The following EDA variants were observed in gnomAD, a reference collection of about 807,000 sequenced individuals.
The protein encoded by EDA is ectodysplasin A.
Under a neutral mutation model 23.6 loss-of-function variants are expected in EDA, and 2 were observed. The ratio of observed to expected loss-of-function variants is 0.08; its 90% CI spans 0.03 to 0.27. The LOEUF is 0.27. Ranked by LOEUF, EDA falls within the 10% of genes least tolerant of loss-of-function variation. The pLI is 1.00. For synonymous variants in EDA, 131 were observed against 132.0 expected, an observed-to-expected ratio of 0.99 and a Z score of 0.05; for missense variants, 229 against 324.2, an observed-to-expected ratio of 0.71 and a Z score of 2.26.
chrX:69,692,833 T>C (rs1934752919), intron 1 of EDA: 1 of 111,987 alleles, frequency 8.9e-6, no homozygotes, highest in Non-Finnish European at 1.9e-5. Flanking sequence ...CCTGCCCAAA[T>C]CATGTTATTG....
chrX:69,825,666 T>G (rs1467155550), intron 1 of EDA, among the ~76,000 whole-genome samples: 1 of 113,290 alleles, frequency 8.8e-6, no homozygotes, highest in Non-Finnish European at 1.9e-5. Flanking sequence ...GATTCATTAA[T>G]TTTTTGAAGG....
At chrX:69,760,197 C>CAAAAAAAAAAAAAAAAAA (rs1162014486) in intron 1 of EDA, among the ~76,000 whole-genome samples, 1 of 46,550 alleles carries the variant, frequency 2.1e-5, no homozygotes, top group Non-Finnish European at 3.6e-5. Flanking sequence ...CTCTTTTGTA[C>CAAAAAAAAAAAAAAAAAA]AAAAAAAAAA....
chrX:69,777,374 T>C (rs1386946982), intron 1 of EDA, among the ~76,000 whole-genome samples: 1 of 111,019 alleles, frequency 9.0e-6, no homozygotes, highest in Non-Finnish European at 1.9e-5. Context: ...CACCTGTGTC[T>C]CTTTAAAATT....
chrX:69,699,099 ACACT>A (rs1432109790), intron 1 of EDA, among the ~76,000 whole-genome samples: 4 of 111,168 alleles, frequency 3.6e-5, no homozygotes, highest in Non-Finnish European at 5.7e-5. Flanking sequence ...CCCTGGGGTG[ACACT>A]CAGTGGCAGA....
intron 1 of EDA, among the ~76,000 whole-genome samples, chrX:69,678,391 G>C (rs1648340053): frequency 9.0e-6 from 1 of 111,408 alleles, no homozygotes; most frequent in Non-Finnish European, 1.9e-5. Flanking sequence ...GGATGACATT[G>C]AATCTGTAAA....
chrX:69,923,733 T>A (rs113312929), intron 1 of EDA, among the ~76,000 whole-genome samples: 2,374 of 111,708 alleles, frequency 0.021, 56 homozygotes, highest in African/African-American at 0.074. Context: ...TCTAGATCCT[T>A]GAGGAACTGC....
chrX:69,836,415 G>T, intron 1 of EDA, among the ~76,000 whole-genome samples: 1 of 112,420 alleles, frequency 8.9e-6, no homozygotes, highest in East Asian at 2.8e-4. Context: ...AGACCACTTT[G>T]TTTACCTACT....
At chrX:69,899,958 C>G (rs1189110923) in intron 1 of EDA, among the ~76,000 whole-genome samples, 2 of 111,067 alleles carry the variant, frequency 1.8e-5, no homozygotes, top group Non-Finnish European at 3.8e-5. Context: ...CTTTTACTTC[C>G]TAGTGGTATG....
intron 1 of EDA, among the ~76,000 whole-genome samples, chrX:69,888,977 GTTATATATATATATATATATATAT>G (rs1258783623): frequency 1.5e-4 from 2 of 13,238 alleles, no homozygotes; most frequent in African/African-American, 3.0e-4. Context: ...TTGTGGGGTA[GTTATATATATATATATATATATAT>G]ATATATATAT....
chrX:69,898,789 G>T (rs1361044448), intron 1 of EDA, among the ~76,000 whole-genome samples: 1 of 111,837 alleles, frequency 8.9e-6, no homozygotes, highest in Non-Finnish European at 1.9e-5. Flanking sequence ...TGTACCTTTT[G>T]AACAAATTTC....
chrX:69,670,835 GT>G, intron 1 of EDA, among the ~76,000 whole-genome samples: 1 of 111,052 alleles, frequency 9.0e-6, no homozygotes. Flanking sequence ...TCATTGAATT[GT>G]TTCTATATCT....
At chrX:70,028,949 A>G (rs912289613) in intron 4 of EDA, among the ~76,000 whole-genome samples, 2 of 112,685 alleles carry the variant, frequency 1.8e-5, no homozygotes, top group African/African-American at 6.5e-5. Flanking sequence ...CACAGGGCTC[A>G]GCAGTGTTAC....
rs1647850808 is a variant in EDA at position 69,937,632 on chromosome X, T to C, written c.397-19395T>C. The C allele has an allele frequency of 2.7e-6, 3 of 1,110,176 alleles. No individual in the cohort carries two copies. The South Asian group carries it at 5.5e-5, about 20-fold the overall frequency. The allele number at this position is 1,110,176 out of a possible 1,213,427, so 91.5% of individuals were successfully genotyped here. A position where few individuals can be genotyped will look rare whatever the true frequency, so the allele number is the denominator to read the frequency against. On this transcript the variant is annotated intron_variant, in intron 1 of 7. Transcript: ENST00000374552. ...TGCAAAGTACTGGGTCTCAATTCCT[T>C]CCTCATCATGTTTTTTAAACTGGAT... is the stretch of plus-strand genomic sequence containing the variant.
intron 1 of EDA, among the ~76,000 whole-genome samples, chrX:69,935,484 C>T (rs1417132508): frequency 9.0e-6 from 1 of 111,535 alleles, no homozygotes; most frequent in African/African-American, 3.2e-5. Context: ...TATAAGAAAA[C>T]ATTTTTGAAG....
At chrX:69,948,140 C>A (rs1239091384) in intron 1 of EDA, among the ~76,000 whole-genome samples, 1 of 112,091 alleles carries the variant, frequency 8.9e-6, no homozygotes, top group African/African-American at 3.2e-5. Flanking sequence ...ATCTGTTCTG[C>A]CCCAAAATGG....
At chrX:69,674,603 G>A (rs1392550067) in intron 1 of EDA, among the ~76,000 whole-genome samples, 1 of 111,333 alleles carries the variant, frequency 9.0e-6, no homozygotes, top group Non-Finnish European at 1.9e-5. Context: ...TAAATTCCAG[G>A]GAGTGGGATT....
intron 1 of EDA, among the ~76,000 whole-genome samples, chrX:69,920,959 T>C (rs1462008651): frequency 9.2e-6 from 1 of 109,060 alleles, no homozygotes; most frequent in Non-Finnish European, 1.9e-5. Flanking sequence ...TATTTATTTA[T>C]TTATTTATTT....
intron 1 of EDA, among the ~76,000 whole-genome samples, chrX:69,663,263 A>G (rs979903625): frequency 9.0e-6 from 1 of 111,542 alleles, no homozygotes; most frequent in Admixed American, 9.5e-5. Flanking sequence ...AAGAGGAAAA[A>G]TTGGTTTCGT....
chrX:69,626,552 C>A (rs1312148988), intron 1 of EDA, among the ~76,000 whole-genome samples: 2 of 111,744 alleles, frequency 1.8e-5, no homozygotes, highest in Non-Finnish European at 3.8e-5. Flanking sequence ...CACAAAAAAA[C>A]CACATTGTAT....
Sources: gnomAD v4.1 joint callset for allele counts (sites outside exome capture counted in the v4.1 genomes callset) on GRCh38, gnomAD v4.1.1 for gene constraint, MANE v1.5 for transcripts, NCBI Gene and HGNC (gene_info 2026-07-23, HGNC 2026-07-21) for gene names.